The following NPTN variants were observed in gnomAD, a reference collection of about 807,000 sequenced individuals.
NPTN encodes neuroplastin, also known as SDR-1.
Under a neutral mutation model 42.7 loss-of-function variants are expected in NPTN, and 5 were observed. That is an observed-to-expected ratio of 0.12 (90% CI 0.06 to 0.25). The LOEUF (loss-of-function observed/expected upper bound fraction) is 0.25. NPTN is among the 10% of genes least tolerant of loss of function. The probability of loss-of-function intolerance (pLI) is 1.00; values close to 1 mark genes in which losing one functional copy is unlikely to be tolerated. For synonymous variants in NPTN, 180 were observed against 201.9 expected (o/e 0.89, Z 0.92); for missense variants, 307 against 525.4 (o/e 0.58, Z 4.06).
chr15:73,624,818 C>A (rs1262964151), intron 1 of NPTN, among the ~76,000 whole-genome samples: 1 of 152,110 alleles, frequency 6.6e-6, no homozygotes, highest in Non-Finnish European at 1.5e-5. Flanking sequence ...CTCAAAGGCT[C>A]AGGAATAAGG....
intron 1 of NPTN, among the ~76,000 whole-genome samples, chr15:73,609,473 T>C (rs1267587922): frequency 2.6e-5 from 4 of 151,932 alleles, no homozygotes; most frequent in Non-Finnish European, 5.9e-5. Flanking sequence ...TACTAAAAAA[T>C]ACAAAAACTT....
chr15:73,566,443 G>A (rs1168114747), intron 6 of NPTN, among the ~76,000 whole-genome samples: 1 of 152,194 alleles, frequency 6.6e-6, no homozygotes, highest in Non-Finnish European at 1.5e-5. Flanking sequence ...TTATCCCAAG[G>A]TAAAAACAGA....
chr15:73,622,634 G>A (rs1898193037), intron 1 of NPTN, among the ~76,000 whole-genome samples: 1 of 152,012 alleles, frequency 6.6e-6, no homozygotes. Flanking sequence ...ATAGAAATGT[G>A]AGGTTATCAA....
intron 1 of NPTN, among the ~76,000 whole-genome samples, chr15:73,604,300 CA>C (rs1348653560): frequency 6.6e-6 from 1 of 152,016 alleles, no homozygotes; most frequent in Non-Finnish European, 1.5e-5. Context: ...ACTGTCTCTT[CA>C]AAAAATTAGC....
intron 1 of NPTN, among the ~76,000 whole-genome samples, chr15:73,610,865 C>CCACAATGGCATGAAATGGG (rs1156652629): frequency 1.3e-5 from 2 of 152,196 alleles, no homozygotes; most frequent in Admixed American, 6.5e-5. Context: ...CTCTTCACTT[C>CCACAATGGCATGAAATGGG]CACAATGGCA....
Position 73,569,322 on chromosome 15 carries a change from C to G in NPTN, c.1114+828G>C. The G allele has an allele frequency of 1.0e-6, 1 of 985,558 alleles. No individual in the cohort carries two copies. 61.1% of individuals were successfully genotyped at this position (985,558 alleles called of 1,614,324 possible). A position where few individuals can be genotyped will look rare whatever the true frequency, so the allele number is the denominator to read the frequency against. On this transcript the variant is annotated intron_variant, in intron 6 of 8. Transcript: ENST00000345330. This position sits in a 1 kb window ranked among gnomAD's most constrained non-coding sequence, Gnocchi z 4.1. Reference sequence around the variant, plus strand: ...ATCGATCACCAAAAATTTCCCAAGGCTTTTCTGACTCTAGGCATATCCAAT... The same window carrying G: ...ATCGATCACCAAAAATTTCCCAAGGGTTTTCTGACTCTAGGCATATCCAAT...
chr15:73,580,449 T>TAC (rs59714017), intron 4 of NPTN, among the ~76,000 whole-genome samples: 2 of 136,764 alleles, frequency 1.5e-5, no homozygotes, highest in Non-Finnish European at 3.1e-5. Context: ...ATAATATATA[T>TAC]GTATATATAC....
At chr15:73,561,456 G>T (rs1894658561) in intron 8 of NPTN, among the ~76,000 whole-genome samples, 1 of 152,178 alleles carries the variant, frequency 6.6e-6, no homozygotes, top group African/African-American at 2.4e-5. Flanking sequence ...GAGGCAGGCG[G>T]ATCACTTGAG....
intron 3 of NPTN, among the ~76,000 whole-genome samples, chr15:73,589,870 T>C (rs557504177): frequency 2.6e-5 from 4 of 151,976 alleles, no homozygotes; most frequent in African/African-American, 7.2e-5. Context: ...ATGCTCCCAA[T>C]TGGAAAACAG....
At chr15:73,601,799 G>A (rs1897095088) in intron 1 of NPTN, among the ~76,000 whole-genome samples, 1 of 152,162 alleles carries the variant, frequency 6.6e-6, no homozygotes, top group Non-Finnish European at 1.5e-5. Context: ...GATAAAGAGG[G>A]AAACTGAACA....
Position 73,567,218 on chromosome 15 carries a change from G to A in NPTN, c.1114+2932C>T, listed in dbSNP as rs368663452. The A allele has an allele frequency of 3.1e-5, 31 of 984,922 alleles. No individual in the cohort carries two copies. The East Asian group carries it at 1.9e-3, about 61-fold the overall frequency. 61.0% of individuals were successfully genotyped at this position (984,922 alleles called of 1,614,324 possible). ...ACTCACAGACTGCCCAAAATATGAC[G>A]ACTGTGCATTCATATAAAAAAAGTT... On this transcript the variant is annotated intron_variant, in intron 6 of 8. Coordinates refer to ENST00000345330, the MANE Select transcript of NPTN (RefSeq NM_012428.4).
intron 1 of NPTN, among the ~76,000 whole-genome samples, chr15:73,614,160 A>C (rs1212957227): frequency 1.3e-5 from 2 of 151,076 alleles, no homozygotes; most frequent in East Asian, 3.9e-4. Context: ...AAAAATACAA[A>C]AAAAAAAAAA....
intron 1 of NPTN, among the ~76,000 whole-genome samples, chr15:73,622,992 T>G (rs969097757): frequency 6.6e-6 from 1 of 152,240 alleles, no homozygotes; most frequent in African/African-American, 2.4e-5. Flanking sequence ...AGACAGGCTG[T>G]GGCTTCTATC....
At chr15:73,576,705 G>C (rs1432406645) in intron 4 of NPTN, among the ~76,000 whole-genome samples, 1 of 152,098 alleles carries the variant, frequency 6.6e-6, no homozygotes, top group Non-Finnish European at 1.5e-5. Flanking sequence ...TGCCCAACTC[G>C]TAAGTATTTG....
intron 1 of NPTN, among the ~76,000 whole-genome samples, chr15:73,618,950 T>A (rs1897993229): frequency 1.3e-5 from 2 of 151,130 alleles, no homozygotes; most frequent in South Asian, 4.2e-4. Flanking sequence ...TCCCAGCTGC[T>A]CAGGACACTG....
chr15:73,569,065 G>GAACAGCTGGAC lies in NPTN; in HGVS notation c.1114+1074_1114+1084dup, dbSNP rs1488280323. 8.4e-5 allele frequency: 83 copies of GAACAGCTGGAC among 985,670 alleles called. No homozygotes were observed. The highest frequency in any genetic ancestry group is 9.5e-5 in the Non-Finnish European group (79 of 830,252). The allele number at this position is 985,670 out of a possible 1,614,324, so 61.1% of individuals were successfully genotyped here. A position where few individuals can be genotyped will look rare whatever the true frequency, so the allele number is the denominator to read the frequency against. ...CACAGGTGCACAAACACAGGCCCCAGAACAGCTGGACTACAGCTGGCAACC... is the reference window on the plus strand; with the variant it reads ...CACAGGTGCACAAACACAGGCCCCAGAACAGCTGGACAACAGCTGGACTACAGCTGGCAACC... On this transcript the variant is annotated intron_variant, in intron 6 of 8. Transcript: ENST00000345330. This position sits in a 1 kb window ranked among gnomAD's most constrained non-coding sequence, Gnocchi z 4.1.
intron 4 of NPTN, among the ~76,000 whole-genome samples, chr15:73,583,336 T>C (rs1251819264): frequency 2.6e-5 from 4 of 152,194 alleles, no homozygotes; most frequent in Admixed American, 1.3e-4. Flanking sequence ...CAGGATCTAG[T>C]GCTAGGGTGC....
intron 6 of NPTN, among the ~76,000 whole-genome samples, chr15:73,565,532 C>G (rs896327333): frequency 1.3e-5 from 2 of 152,108 alleles, no homozygotes; most frequent in South Asian, 4.1e-4. Context: ...GCATGCATAT[C>G]GCTCACTTAC....
At chr15:73,571,690 T>G (rs1459242638) in intron 5 of NPTN, among the ~76,000 whole-genome samples, 1 of 152,084 alleles carries the variant, frequency 6.6e-6, no homozygotes, top group Non-Finnish European at 1.5e-5. Context: ...TGCACTCAGC[T>G]CATGAGATCC....
Sources: allele counts gnomAD v4.1 joint callset (sites outside exome capture counted in the v4.1 genomes callset), GRCh38; gene constraint gnomAD v4.1.1; non-coding constraint Gnocchi (gnomAD v3.1); transcripts MANE v1.5; gene names NCBI Gene and HGNC (gene_info 2026-07-23, HGNC 2026-07-21).